PLCB1: variants seen among roughly 807,000 people sequenced by gnomAD.
The protein encoded by PLCB1 is 1-phosphatidylinositol 4,5-bisphosphate phosphodiesterase beta-1.
PLCB1 carries 46 observed loss-of-function variants against 161.8 expected under a neutral mutation model. The observed-to-expected ratio is 0.28, with a 90% CI of 0.22 to 0.36. PLCB1 has a LOEUF of 0.36. Ranked by LOEUF, PLCB1 falls within the 10% of genes least tolerant of loss-of-function variation. The probability of loss-of-function intolerance (pLI) is 1.00; values close to 1 mark genes in which losing one functional copy is unlikely to be tolerated. For synonymous variants in PLCB1, 517 were observed against 503.7 expected (o/e 1.03, Z -0.35); for missense variants, 1,016 against 1,472.5 (o/e 0.69, Z 5.07).
At position 8,790,324 on chromosome 20, in the gene PLCB1, A is replaced by T; in HGVS notation, c.3423+63A>T. ...TTGATTTCCATTTAGTAAGAGTAAAACCTTCCTGGTTTACATAAGTACCTT... is the reference window on the plus strand; with the variant it reads ...TTGATTTCCATTTAGTAAGAGTAAATCCTTCCTGGTTTACATAAGTACCTT... On this transcript the variant is annotated intron_variant, in intron 31 of 31. Coordinates refer to ENST00000338037, the MANE Select transcript of PLCB1 (RefSeq NM_015192.4). The T allele has an allele frequency of 3.1e-6, 4 of 1,274,484 alleles. 1 individual carries two copies. The highest frequency in any genetic ancestry group is 4.5e-6 in the Non-Finnish European group (4 of 893,550). The allele number at this position is 1,274,484 out of a possible 1,614,324, so 78.9% of individuals were successfully genotyped here.
chr20:8,248,025 T>C (rs935391337), intron 2 of PLCB1, among the ~76,000 whole-genome samples: 1 of 151,918 alleles, frequency 6.6e-6, no homozygotes, highest in Non-Finnish European at 1.5e-5. Flanking sequence ...CTAGATTGTG[T>C]TCCCCAGAAA....
At chr20:8,285,937 T>C (rs930493715) in intron 2 of PLCB1, among the ~76,000 whole-genome samples, 2 of 152,236 alleles carry the variant, frequency 1.3e-5, no homozygotes, top group African/African-American at 4.8e-5. Context: ...CAAATATTGA[T>C]GGTATTTTTT....
At chr20:8,866,855 T>C (rs1324853868) in intron 31 of PLCB1, among the ~76,000 whole-genome samples, 2 of 152,146 alleles carry the variant, frequency 1.3e-5, no homozygotes, top group African/African-American at 4.8e-5. Context: ...GATAAAATTG[T>C]AAATACTCAC....
At chr20:8,845,877 A>G (rs897804888) in intron 31 of PLCB1, among the ~76,000 whole-genome samples, 1 of 152,234 alleles carries the variant, frequency 6.6e-6, no homozygotes, top group African/African-American at 2.4e-5. Flanking sequence ...TAAGTACGCA[A>G]TGCGGACACA....
At chr20:8,566,744 T>A (rs1212303440) in intron 3 of PLCB1, among the ~76,000 whole-genome samples, 3 of 152,050 alleles carry the variant, frequency 2.0e-5, no homozygotes, top group Admixed American at 2.0e-4. Context: ...GGTGGTGAAG[T>A]CTGTTTTAGG....
At chr20:8,783,470 G>A (rs1382251233) in intron 27 of PLCB1, among the ~76,000 whole-genome samples, 2 of 152,278 alleles carry the variant, frequency 1.3e-5, no homozygotes, top group Admixed American at 1.3e-4. Context: ...CACATCTTAT[G>A]CAGTAAGAAC....
chr20:8,225,888 A>G (rs1187741259), intron 2 of PLCB1, among the ~76,000 whole-genome samples: 1 of 152,236 alleles, frequency 6.6e-6, no homozygotes, highest in Admixed American at 6.5e-5. Flanking sequence ...AGCTGACCAC[A>G]GCAAATATTT....
chr20:8,723,840 A>G (rs1209862800), intron 15 of PLCB1, among the ~76,000 whole-genome samples: 1 of 152,024 alleles, frequency 6.6e-6, no homozygotes, highest in Admixed American at 6.6e-5. Context: ...TCTAAGACAC[A>G]TCAGGAGCCA....
chr20:8,663,336 C>T (rs1242333437), intron 9 of PLCB1, among the ~76,000 whole-genome samples: 1 of 151,898 alleles, frequency 6.6e-6, no homozygotes, highest in Non-Finnish European at 1.5e-5. Context: ...CTGACATATG[C>T]TGTTTAGCTT....
At chr20:8,765,441 T>C (rs1342140558) in intron 26 of PLCB1, 83 bp downstream of exon 26, 1 of 1,047,948 alleles carries the variant, frequency 9.5e-7, no homozygotes, top group African/African-American at 1.6e-5. Context: ...ATCATATTTT[T>C]GGACCTGTAC....
intron 3 of PLCB1, among the ~76,000 whole-genome samples, chr20:8,576,949 GGAGGTACA>G (rs1986689303): frequency 6.6e-6 from 1 of 152,124 alleles, no homozygotes; most frequent in South Asian, 2.1e-4. Flanking sequence ...GTGCATGGAA[GGAGGTACA>G]GAGGTAATAT....
chr20:8,473,394 T>G (rs1285704510), intron 3 of PLCB1, among the ~76,000 whole-genome samples: 1 of 152,218 alleles, frequency 6.6e-6, no homozygotes, highest in East Asian at 1.9e-4. Flanking sequence ...ATAAGTTCTC[T>G]TCAAATTAGT....
chr20:8,608,496 C>T (rs925329829), intron 3 of PLCB1, among the ~76,000 whole-genome samples: 1 of 152,178 alleles, frequency 6.6e-6, no homozygotes, highest in African/African-American at 2.4e-5. Flanking sequence ...CATACTTTAT[C>T]ATGTAACGTC....
chr20:8,858,060 A>T (rs1393040533), intron 31 of PLCB1, among the ~76,000 whole-genome samples: 3 of 152,136 alleles, frequency 2.0e-5, no homozygotes, highest in Admixed American at 2.0e-4. Flanking sequence ...CATTTGAATA[A>T]GTTTCATAAT....
chr20:8,559,921 C>T (rs538629236), intron 3 of PLCB1, among the ~76,000 whole-genome samples: 1 of 151,952 alleles, frequency 6.6e-6, no homozygotes, highest in East Asian at 1.9e-4. Context: ...AAATTCCTTC[C>T]TACCTTTCTT....
Position 8,863,814 on chromosome 20 carries a change from A to C in PLCB1, c.3424-17808A>C, listed in dbSNP as rs574477872. Among the ~76,000 whole-genome samples the C allele has an allele frequency of 3.9e-4, 59 of 152,234 alleles. 1 individual carries two copies. In the South Asian group the frequency reaches 6.0e-3, roughly 16 times the overall value. ...ACCTCTGAAGAAGGCAAACCACACAAAGTTGGAATCTTCTATCCAGAGTTG... is the reference window on the plus strand; with the variant it reads ...ACCTCTGAAGAAGGCAAACCACACACAGTTGGAATCTTCTATCCAGAGTTG... On this transcript the variant is annotated intron_variant, in intron 31 of 31. Transcript: ENST00000338037.
intron 2 of PLCB1, among the ~76,000 whole-genome samples, chr20:8,321,247 C>T (rs552808119): frequency 6.6e-6 from 1 of 152,266 alleles, no homozygotes; most frequent in Admixed American, 6.5e-5. Flanking sequence ...TACATGTTCC[C>T]TTTTTATAGC....
intron 3 of PLCB1, among the ~76,000 whole-genome samples, chr20:8,515,523 T>TCCTC (rs1488648769): frequency 5.9e-5 from 9 of 152,198 alleles, no homozygotes; most frequent in Non-Finnish European, 1.2e-4. Context: ...TGATGCCTGG[T>TCCTC]GTATCTAGAA....
At chr20:8,819,138 T>A (rs1040085002) in intron 31 of PLCB1, among the ~76,000 whole-genome samples, 1 of 152,078 alleles carries the variant, frequency 6.6e-6, no homozygotes, top group Non-Finnish European at 1.5e-5. Flanking sequence ...ATTCTGAATA[T>A]GTAGTAATTA....
Sources: gnomAD v4.1 joint callset for allele counts (sites outside exome capture counted in the v4.1 genomes callset) on GRCh38, gnomAD v4.1.1 for gene constraint, MANE v1.5 for transcripts, NCBI Gene and HGNC (gene_info 2026-07-23, HGNC 2026-07-21) for gene names.